MED13L: variants seen among roughly 807,000 people sequenced by gnomAD.
MED13L encodes mediator of RNA polymerase II transcription subunit 13-like.
Under a neutral mutation model 220.9 loss-of-function variants are expected in MED13L, and 7 were observed. The ratio of observed to expected loss-of-function variants is 0.03; its 90% CI spans 0.02 to 0.06. MED13L has a LOEUF of 0.06. Ranked by LOEUF, MED13L falls within the 10% of genes least tolerant of loss-of-function variation. MED13L has a pLI of 1.00. For missense variants in MED13L, 1,965 were observed against 2,760.5 expected (o/e 0.71, Z 6.46); for synonymous variants, 1,011 against 1,015.2 (o/e 1.00, Z 0.08).
Position 115,961,283 on chromosome 12 carries a change from T to C in MED13L, c.6616A>G (p.Ile2206Val), listed in dbSNP as rs781079171. The change falls in exon 31 of 31, where the codon ATC (isoleucine) becomes GTC (valine). Residue 2206 changes from isoleucine to valine, a missense_variant. Transcript: ENST00000281928. ...TTTTCCAATTAAAGTATATTCATGATGGCATTGTACAACTGAGTGAGCACC... is the reference window on the plus strand; with the variant it reads ...TTTTCCAATTAAAGTATATTCATGACGGCATTGTACAACTGAGTGAGCACC... ...FVVLTQLYNA[I>V]MNIL is the part of the protein sequence containing the mutation. 40 of 1,614,078 alleles carry C rather than the reference T, an allele frequency of 2.5e-5. No homozygotes were observed. The highest frequency in any genetic ancestry group is 1.6e-4 in the Middle Eastern group (1 of 6,084).
At chr12:116,214,277 ATATGTTG>A (rs923169041) in intron 2 of MED13L, among the ~76,000 whole-genome samples, 5 of 152,158 alleles carry the variant, frequency 3.3e-5, no homozygotes, top group Admixed American at 1.3e-4. Flanking sequence ...TCTTCTACCA[ATATGTTG>A]TAGTCATGGT....
At chr12:116,245,954 G>A (rs948822031) in intron 1 of MED13L, among the ~76,000 whole-genome samples, 22 of 152,076 alleles carry the variant, frequency 1.4e-4, no homozygotes, top group African/African-American at 4.8e-4. Flanking sequence ...AAAGACTCGC[G>A]GAAGGCATAT....
intron 2 of MED13L, among the ~76,000 whole-genome samples, chr12:116,145,044 TA>T (rs1877363892): frequency 6.6e-6 from 1 of 152,238 alleles, no homozygotes; most frequent in South Asian, 2.1e-4. Context: ...ATTATGATCC[TA>T]TTTTCTTCAT....
At chr12:115,993,834 G>A (rs1311027525) in intron 16 of MED13L, among the ~76,000 whole-genome samples, 1 of 152,136 alleles carries the variant, frequency 6.6e-6, no homozygotes, top group African/African-American at 2.4e-5. Context: ...GCAACCCTAC[G>A]CTAGAAGCTG....
At chr12:116,039,461 G>C (rs1158278411) in intron 4 of MED13L, among the ~76,000 whole-genome samples, 1 of 152,190 alleles carries the variant, frequency 6.6e-6, no homozygotes, top group Non-Finnish European at 1.5e-5. Context: ...AGCTACACCA[G>C]AGGCAGGTTT....
At chr12:116,159,635 T>C (rs1878710511) in intron 2 of MED13L, among the ~76,000 whole-genome samples, 1 of 152,196 alleles carries the variant, frequency 6.6e-6, no homozygotes, top group South Asian at 2.1e-4. Flanking sequence ...TCACTACTGA[T>C]ACCTTGTTTT....
In MED13L at chr12:116,019,864, A is replaced by G. The variant is rs1316884605; in HGVS notation, c.734T>C (p.Met245Thr). ...LIEEWQYFYP[M>T]VLKKKEESKE... ...CGATTCTTCTTTCTTTTTTAGCACC[A>G]TCGGGTAGAAATACTGCCATTCCTC... is the stretch of plus-strand genomic sequence containing the variant. Residue 245 changes from methionine (M) to threonine (T), a missense_variant, in exon 6 of 31, where the codon ATG becomes ACG. Met to Thr is a moderately conservative substitution (Grantham distance 81). Coordinates refer to ENST00000281928, the MANE Select transcript of MED13L (RefSeq NM_015335.5). The G allele has an allele frequency of 3.1e-6, 5 of 1,613,770 alleles. No homozygotes were observed. Among genetic ancestry groups the G allele is most frequent in the Non-Finnish European group, 4.2e-6 (5 of 1,179,954 alleles).
At chr12:115,973,690 G>T (rs1219959810) in intron 25 of MED13L, among the ~76,000 whole-genome samples, 1 of 152,070 alleles carries the variant, frequency 6.6e-6, no homozygotes, top group Non-Finnish European at 1.5e-5. Context: ...AGCAGACTGG[G>T]GAGGAAGATA....
chr12:116,226,445 A>G lies in MED13L; in HGVS notation c.310+11023T>C, dbSNP rs559487912. 2.0e-5 allele frequency among the ~76,000 whole-genome samples: 3 copies of G among 152,358 alleles called. No homozygotes were observed. The East Asian group carries it at 5.8e-4, about 29-fold the overall frequency. On this transcript the variant is annotated intron_variant, in intron 2 of 30. Coordinates refer to ENST00000281928, the MANE Select transcript of MED13L (RefSeq NM_015335.5). ...AAAAATATTTACATAGATGGAGCTT[A>G]AAGAAAATTATGGAACACTTACTGG...
At chr12:116,187,905 C>G (rs942647894) in intron 2 of MED13L, among the ~76,000 whole-genome samples, 5 of 150,380 alleles carry the variant, frequency 3.3e-5, no homozygotes, top group Non-Finnish European at 4.4e-5. Context: ...AAAGGCTTTT[C>G]CTGTCAACAG....
rs201731067 is a variant in MED13L at position 115,991,069 on chromosome 12, G to A, written c.3885C>T (p.Asp1295=). 1.7e-5 allele frequency: 27 copies of A among 1,614,088 alleles called. No homozygotes were observed. The highest frequency in any genetic ancestry group is 1.7e-4 in the Middle Eastern group (1 of 6,060). The change falls in exon 17 of 31, where the codon GAC becomes GAT. Residue 1295 remains aspartate (D), a synonymous_variant. Coordinates refer to ENST00000281928, the MANE Select transcript of MED13L (RefSeq NM_015335.5). This position sits in a 1 kb window ranked among gnomAD's most constrained non-coding sequence, Gnocchi z 7.7. ...YVDNPTGGKV[D]EALVRSATVH... ...CAGTGGCACTTCTCACCAGAGCTTC[G>A]TCCACTTTTCCACCAGTGGGGTTAT...
At chr12:116,121,681 A>T (rs1230541749) in intron 2 of MED13L, among the ~76,000 whole-genome samples, 2 of 152,140 alleles carry the variant, frequency 1.3e-5, no homozygotes, top group East Asian at 1.9e-4. Flanking sequence ...GCTATGATAC[A>T]TATTTCCTTT....
At chr12:116,104,397 C>T (rs1873373358) in intron 3 of MED13L, among the ~76,000 whole-genome samples, 1 of 152,156 alleles carries the variant, frequency 6.6e-6, no homozygotes, top group South Asian at 2.1e-4. Context: ...AAATATAATG[C>T]TATTGTTATC....
At chr12:115,963,883 TTC>T (rs1185272297) in intron 29 of MED13L, among the ~76,000 whole-genome samples, 4 of 152,202 alleles carry the variant, frequency 2.6e-5, no homozygotes, top group Admixed American at 6.5e-5. Context: ...TGTTTTCATT[TTC>T]TTTTTCTGAA....
At chr12:116,026,018 A>G (rs1018345407) in intron 4 of MED13L, among the ~76,000 whole-genome samples, 3 of 152,196 alleles carry the variant, frequency 2.0e-5, no homozygotes, top group Admixed American at 2.0e-4. Context: ...AGAATTCAAA[A>G]AAAGAAAGAA....
chr12:116,164,088 A>G (rs1879073927), intron 2 of MED13L, among the ~76,000 whole-genome samples: 1 of 152,224 alleles, frequency 6.6e-6, no homozygotes, highest in Non-Finnish European at 1.5e-5. Flanking sequence ...AAAAAGAAAC[A>G]GGTCCATTCA....
At chr12:116,037,440 C>T (rs1881257770) in intron 4 of MED13L, among the ~76,000 whole-genome samples, 1 of 152,060 alleles carries the variant, frequency 6.6e-6, no homozygotes, top group African/African-American at 2.4e-5. Context: ...GGTTCCATCC[C>T]CAAGATAACT....
intron 4 of MED13L, among the ~76,000 whole-genome samples, chr12:116,027,614 G>A (rs117847529): frequency 0.016 from 2,448 of 152,200 alleles, 40 homozygotes; most frequent in Middle Eastern, 0.031. Flanking sequence ...CTTATGCAGC[G>A]CTGCTTGTTG....
rs1262731587 is a variant in MED13L at position 115,991,765 on chromosome 12, C to G, written c.3189G>C (p.Gly1063=). 6.2e-7 allele frequency: 1 copy of G among 1,613,880 alleles called. No individual in the cohort carries two copies. The highest frequency in any genetic ancestry group is 1.1e-5 in the South Asian group (1 of 91,048). Residue 1063 remains glycine (G), a synonymous_variant, in exon 17 of 31, where the codon GGG becomes GGC. Transcript: ENST00000281928. The surrounding 1 kb of genome is among the most constrained non-coding windows in gnomAD (Gnocchi z 7.7). ...TPRTPRTPRG[G]GTASGQGSVK... is the part of the protein sequence containing the mutation. ...CAGACCCTTGACCACTGGCAGTGCC[C>G]CCACCTCTGGGAGTTCTTGGGGTCC...
Sources: allele counts gnomAD v4.1 joint callset (sites outside exome capture counted in the v4.1 genomes callset), GRCh38; gene constraint gnomAD v4.1.1; non-coding constraint Gnocchi (gnomAD v3.1); transcripts MANE v1.5; gene names NCBI Gene and HGNC (gene_info 2026-07-23, HGNC 2026-07-21).